Variants in PTPRD observed in about 807,000 individuals in gnomAD.
The protein encoded by PTPRD is receptor-type tyrosine-protein phosphatase delta.
In PTPRD, 34 loss-of-function variants were observed where a neutral mutation model predicts 214.5. That is an observed-to-expected ratio of 0.16 (90% CI 0.12 to 0.21). The LOEUF (loss-of-function observed/expected upper bound fraction) is 0.21, where lower values mean the gene tolerates loss of function less well. Among genes scored for constraint, PTPRD ranks in the 10% least tolerant of loss-of-function variants. The probability of loss-of-function intolerance (pLI) is 1.00; values close to 1 mark genes in which losing one functional copy is unlikely to be tolerated. For missense variants in PTPRD, 2,545 were observed against 2,398.7 expected (o/e 1.06, Z -1.27); for synonymous variants, 1,128 against 845.7 (o/e 1.33, Z -5.79).
chr9:9,858,021 TC>T (rs1459148966), intron 5 of PTPRD, among the ~76,000 whole-genome samples: 4 of 152,224 alleles, frequency 2.6e-5, no homozygotes, highest in African/African-American at 9.6e-5. Flanking sequence ...ATTATCTATG[TC>T]AAAAGATTCA....
intron 2 of PTPRD, among the ~76,000 whole-genome samples, chr9:10,507,903 T>C (rs530510548): frequency 6.6e-6 from 1 of 152,054 alleles, no homozygotes; most frequent in African/African-American, 2.4e-5. Flanking sequence ...GGACTTCATG[T>C]CTAAAACACC....
rs1300563909 is a variant in PTPRD, at chr9:9,522,599, C to G, written c.-237+52133G>C. ...GGATTCTATCCCAGTACCTGAGAAA[C>G]AAGAAAGAAAAAAGCCAAGGGAAAA... On this transcript the variant is annotated intron_variant, in intron 8 of 45. Transcript: ENST00000381196. Among the ~76,000 whole-genome samples the G allele has an allele frequency of 4.6e-5, 7 of 152,058 alleles. No individual in the cohort carries two copies. The South Asian group carries it at 8.3e-4, about 18-fold the overall frequency.
intron 3 of PTPRD, among the ~76,000 whole-genome samples, chr9:10,300,751 G>T (rs937398406): frequency 1.3e-5 from 2 of 152,102 alleles, no homozygotes; most frequent in Non-Finnish European, 2.9e-5. Context: ...CTGAAAAAAA[G>T]GCAGCAGCCC....
At chr9:8,962,314 T>C (rs1323922168) in intron 11 of PTPRD, 2 of 152,182 alleles carry the variant, frequency 1.3e-5, no homozygotes, top group African/African-American at 4.8e-5. Context: ...TGCTCTGCCC[T>C]CTGAACAACC....
chr9:8,729,789 C>A lies in PTPRD; in HGVS notation c.64+3991G>T, dbSNP rs2098634817. 2.6e-5 allele frequency among the ~76,000 whole-genome samples: 4 copies of A among 152,218 alleles called. No homozygotes were observed. In the South Asian group the frequency reaches 8.3e-4, roughly 32 times the overall value. ...ATGGCTTCAGAGCTCACATTCTTAA[C>A]CACTACTCTATGCTGCCCATCAGGA... On this transcript the variant is annotated intron_variant, in intron 12 of 45. Coordinates refer to ENST00000381196, the MANE Select transcript of PTPRD (RefSeq NM_002839.4).
chr9:9,340,133 C>A (rs1200572074), intron 9 of PTPRD, among the ~76,000 whole-genome samples: 1 of 151,922 alleles, frequency 6.6e-6, no homozygotes, highest in Non-Finnish European at 1.5e-5. Flanking sequence ...ACTCTAGAAA[C>A]CGCTAAAGAC....
chr9:8,491,153 A>T (rs1370777930), intron 27 of PTPRD, among the ~76,000 whole-genome samples: 1 of 152,214 alleles, frequency 6.6e-6, no homozygotes, highest in Admixed American at 6.5e-5. Flanking sequence ...GGTCTTACAA[A>T]AGTAAACGTG....
At chr9:9,803,239 G>A (rs779911276) in intron 5 of PTPRD, among the ~76,000 whole-genome samples, 81 of 148,952 alleles carry the variant, frequency 5.4e-4, no homozygotes, top group Non-Finnish European at 1.1e-3. Context: ...TGAACTGGAC[G>A]TTTTGATAAA....
intron 9 of PTPRD, among the ~76,000 whole-genome samples, chr9:9,309,297 T>G (rs1435681673): frequency 6.6e-6 from 1 of 151,490 alleles, no homozygotes; most frequent in African/African-American, 2.4e-5. Context: ...AAGGTATAGA[T>G]GAACAGTCAG....
chr9:8,955,584 G>A (rs780958455), intron 11 of PTPRD, among the ~76,000 whole-genome samples: 2 of 151,626 alleles, frequency 1.3e-5, no homozygotes, highest in Non-Finnish European at 2.9e-5. Flanking sequence ...CACAGAATGA[G>A]GCTTCCTCTG....
At chr9:9,753,821 T>A (rs1308413486) in intron 6 of PTPRD, among the ~76,000 whole-genome samples, 1 of 151,910 alleles carries the variant, frequency 6.6e-6, no homozygotes, top group African/African-American at 2.4e-5. Context: ...ATGTTTAGGG[T>A]TTAGCTTTGT....
chr9:9,146,172 C>T (rs2099868275), intron 10 of PTPRD, among the ~76,000 whole-genome samples: 1 of 152,124 alleles, frequency 6.6e-6, no homozygotes, highest in South Asian at 2.1e-4. Flanking sequence ...GAATATCATG[C>T]CTGTAGAATT....
intron 3 of PTPRD, among the ~76,000 whole-genome samples, chr9:10,038,393 C>T (rs1426972968): frequency 6.6e-6 from 1 of 152,076 alleles, no homozygotes; most frequent in Non-Finnish European, 1.5e-5. Context: ...ACCTTTGATT[C>T]AACTTGTGAA....
intron 11 of PTPRD, among the ~76,000 whole-genome samples, chr9:8,832,796 G>C (rs550868155): frequency 6.8e-6 from 1 of 147,908 alleles, no homozygotes; most frequent in South Asian, 2.2e-4. Flanking sequence ...CTCTCTCTCT[G>C]GCTCTTGCTC....
At chr9:10,423,060 G>A (rs1031684373) in intron 2 of PTPRD, among the ~76,000 whole-genome samples, 3 of 152,060 alleles carry the variant, frequency 2.0e-5, no homozygotes, top group African/African-American at 7.2e-5. Context: ...CAACCCAAAT[G>A]TCCATCAATG....
intron 12 of PTPRD, among the ~76,000 whole-genome samples, chr9:8,722,138 TG>T (rs1434895846): frequency 3.1e-5 from 4 of 128,052 alleles, no homozygotes; most frequent in African/African-American, 2.0e-4. Context: ...TGTGTGTGTG[TG>T]TGTGTGTGTG....
chr9:8,959,946 G>A (rs2099150342), intron 11 of PTPRD, among the ~76,000 whole-genome samples: 2 of 151,998 alleles, frequency 1.3e-5, no homozygotes, highest in Admixed American at 1.3e-4. Flanking sequence ...TGTGACAAGT[G>A]TACAACATCA....
chr9:9,668,100 T>C (rs563639250), intron 7 of PTPRD, among the ~76,000 whole-genome samples: 1 of 152,180 alleles, frequency 6.6e-6, no homozygotes, highest in Non-Finnish European at 1.5e-5. Flanking sequence ...TTTGTTAAAG[T>C]TAAAACAAAA....
intron 3 of PTPRD, among the ~76,000 whole-genome samples, chr9:10,194,345 T>TATATAG (rs2099388529): frequency 2.0e-4 from 8 of 39,846 alleles, no homozygotes; most frequent in African/African-American, 5.4e-4. Context: ...TATATATATA[T>TATATAG]AGAGAGAGAG....
Sources: allele counts gnomAD v4.1 joint callset (sites outside exome capture counted in the v4.1 genomes callset), GRCh38; gene constraint gnomAD v4.1.1; transcripts MANE v1.5; gene names NCBI Gene and HGNC (gene_info 2026-07-23, HGNC 2026-07-21).